The following C5 variants were observed in gnomAD, a reference collection of about 807,000 sequenced individuals.
The protein encoded by C5 is C3 and PZP-like alpha-2-macroglobulin domain-containing protein 4.
C5 carries 140 observed loss-of-function variants against 218.8 expected under a neutral mutation model. The ratio of observed to expected loss-of-function variants is 0.64; its 90% confidence interval spans 0.56 to 0.74. The LOEUF (loss-of-function observed/expected upper bound fraction) is 0.74, where lower values mean the gene tolerates loss of function less well. Ranked by LOEUF, C5 falls within the 30% of genes least tolerant of loss-of-function variation. The pLI is 0.00. For missense variants in C5, 1,700 were observed against 1,969.6 expected (o/e 0.86, Z 2.59); for synonymous variants, 614 against 682.3 (o/e 0.90, Z 1.56).
intron 10 of C5, 80 bp downstream of exon 10, chr9:121,023,324 C>A: frequency 1.1e-6 from 1 of 907,354 alleles, no homozygotes; most frequent in South Asian, 1.3e-5. Context: ...ACATTCTTAC[C>A]CTGTTTGCCA....
chr9:121,054,601 AAAAT>A (rs1227909844), upstream of C5, among the ~76,000 whole-genome samples: 1 of 152,198 alleles, frequency 6.6e-6, no homozygotes, highest in Non-Finnish European at 1.5e-5. Context: ...ACGCTGCCTC[AAAAT>A]AAATAAATAA....
At chr9:120,965,787 G>T (rs967134396) in intron 33 of C5, among the ~76,000 whole-genome samples, 1 of 152,142 alleles carries the variant, frequency 6.6e-6, no homozygotes, top group African/African-American at 2.4e-5. Context: ...TTGTCAGCAG[G>T]ATGGAAAAGG....
intron 18 of C5, among the ~76,000 whole-genome samples, chr9:121,007,795 C>T (rs1035847020): frequency 6.6e-5 from 10 of 152,096 alleles, no homozygotes; most frequent in African/African-American, 2.4e-4. Flanking sequence ...AGAGGACATG[C>T]TAGCTAATGG....
chr9:121,003,409 A>T (rs528060946), intron 20 of C5, among the ~76,000 whole-genome samples: 49 of 152,298 alleles, frequency 3.2e-4, no homozygotes, highest in African/African-American at 1.1e-3. Flanking sequence ...TCTGATATTT[A>T]GTGTTACCTG....
Position 120,974,775 on chromosome 9 carries a change from T to C in C5, c.4017+4A>G. ...TAAAATACTACAGAAAGTTCTTCAT[T>C]TACCTCTACTGGCCTCCCAAGGAAA... On this transcript the variant is annotated splice_donor_region_variant and intron_variant, in intron 30 of 40. Coordinates refer to ENST00000223642, the MANE Select transcript of C5 (RefSeq NM_001735.3). 1 of 1,612,306 alleles carries C rather than the reference T, an allele frequency of 6.2e-7. No individual in the cohort carries two copies.
Position 120,976,865 on chromosome 9 carries a change from C to T in C5, c.3699G>A (p.Gln1233=), listed in dbSNP as rs2131691244. The T allele has an allele frequency of 6.2e-7, 1 of 1,614,154 alleles. No homozygotes were observed. Among genetic ancestry groups the T allele is most frequent in the South Asian group, 1.1e-5 (1 of 91,086 alleles). ...PIYRFWKDNL[Q]HKDSSVPNTG... ...TGTTAGGTACAGAGCTGTCTTTATG[C>T]TGAAGATTGTCTTTCCAAAAACGAT... The change falls in exon 29 of 41, where the codon CAG becomes CAA. Residue 1233 remains glutamine, a synonymous_variant. Transcript: ENST00000223642.
At chr9:120,971,279 A>C (rs1021114496) in intron 31 of C5, among the ~76,000 whole-genome samples, 1 of 151,796 alleles carries the variant, frequency 6.6e-6, no homozygotes, top group Non-Finnish European at 1.5e-5. Flanking sequence ...GATAAATGAG[A>C]TGGGATAGAA....
At chr9:120,953,157 CTTG>C (rs1271867878) in intron 40 of C5, among the ~76,000 whole-genome samples, 1 of 152,178 alleles carries the variant, frequency 6.6e-6, no homozygotes, top group Non-Finnish European at 1.5e-5. Context: ...ATCTCCTGAC[CTTG>C]TGATCTGCCC....
At chr9:121,029,419 G>T (rs1236772867) in intron 7 of C5, among the ~76,000 whole-genome samples, 1 of 152,188 alleles carries the variant, frequency 6.6e-6, no homozygotes, top group Non-Finnish European at 1.5e-5. Context: ...ATGTACCTCA[G>T]TTTTTCCACT....
intron 17 of C5, 71 bp from the exon 18 acceptor site, chr9:121,008,569 T>C: frequency 9.2e-7 from 1 of 1,082,006 alleles, no homozygotes; most frequent in Non-Finnish European, 1.4e-6. Flanking sequence ...TTTTAAAATA[T>C]GGCCATTAAT....
At chr9:120,984,120 C>T (rs1335572440) in intron 25 of C5, among the ~76,000 whole-genome samples, 1 of 152,138 alleles carries the variant, frequency 6.6e-6, no homozygotes, top group East Asian at 1.9e-4. Flanking sequence ...GGTACAGATG[C>T]ACCAAAGCTA....
the C5 span, among the ~76,000 whole-genome samples, chr9:121,066,407 T>C: frequency 0.013 from 1,961 of 150,298 alleles, 20 homozygotes; most frequent in Non-Finnish European, 0.018. Flanking sequence ...AGGCAAGTAC[T>C]GACAAAATTC....
chr9:120,962,839 C>T (rs1255503719), intron 35 of C5, 54 bp downstream of exon 35: 1 of 1,600,742 alleles, frequency 6.2e-7, no homozygotes, highest in Non-Finnish European at 8.6e-7. Flanking sequence ...ATCTTTTAGC[C>T]TGTATATTTT....
intron 3 of C5, 140 bp downstream of exon 3, chr9:121,042,864 T>C: frequency 3.1e-6 from 2 of 636,238 alleles, no homozygotes; most frequent in South Asian, 2.1e-5. Context: ...TAAGTATAGA[T>C]GTCTTTGGGA....
At chr9:121,045,632 C>T (rs796167917) in intron 2 of C5, among the ~76,000 whole-genome samples, 10 of 152,088 alleles carry the variant, frequency 6.6e-5, no homozygotes, top group African/African-American at 2.4e-4. Context: ...AAATAAGTTG[C>T]AAGTATGTCT....
chr9:121,056,779 TAGAG>T, the C5 span, among the ~76,000 whole-genome samples: 1 of 150,872 alleles, frequency 6.6e-6, no homozygotes, highest in Admixed American at 6.6e-5. Flanking sequence ...AAAGGGGATG[TAGAG>T]AGAGAGAGAG....
chr9:121,071,627 G>A, the C5 span, among the ~76,000 whole-genome samples: 1,594 of 152,288 alleles, frequency 0.01, 24 homozygotes, highest in African/African-American at 0.036. Flanking sequence ...CAAGGCTGCA[G>A]TGAGTTATGA....
rs368167442 is a variant in C5, at chr9:121,018,028, C to T, written c.1507-176G>A. Among the ~76,000 whole-genome samples the T allele has an allele frequency of 1.8e-3, 274 of 149,214 alleles. 2 individuals are homozygous for T. The highest frequency in any genetic ancestry group is 6.2e-3 in the African/African-American group (250 of 40,564). Reference sequence around the variant, plus strand: ...AGCACTTTGGGAGGCCGAGGTGGGCCGATCACTTGAGGCCAGGAGTTCAAG... The same window carrying T: ...AGCACTTTGGGAGGCCGAGGTGGGCTGATCACTTGAGGCCAGGAGTTCAAG... On this transcript the variant is annotated intron_variant, in intron 12 of 40. Transcript: ENST00000223642.
chr9:121,053,233 A>C (rs914303116), upstream of C5, among the ~76,000 whole-genome samples: 2 of 152,214 alleles, frequency 1.3e-5, no homozygotes, highest in East Asian at 3.8e-4. Flanking sequence ...GTAGGCTGGC[A>C]CTAGGCAGGT....
Sources: allele counts gnomAD v4.1 joint callset (sites outside exome capture counted in the v4.1 genomes callset), GRCh38; gene constraint gnomAD v4.1.1; transcripts MANE v1.5; gene names NCBI Gene and HGNC (gene_info 2026-07-23, HGNC 2026-07-21).